The following L2HGDH variants were observed in gnomAD, a reference collection of about 807,000 sequenced individuals.
L2HGDH encodes L-2-hydroxyglutarate dehydrogenase, mitochondrial.
In L2HGDH, 34 loss-of-function variants were observed where a neutral mutation model predicts 51.5. The ratio of observed to expected loss-of-function variants is 0.66; its 90% CI spans 0.50 to 0.88. L2HGDH has a LOEUF of 0.88. L2HGDH is among the 40% of genes least tolerant of loss of function. L2HGDH has a pLI of 0.00. For synonymous variants in L2HGDH, 198 were observed against 197.9 expected, an observed-to-expected ratio of 1.00 and a Z score of -0.01; for missense variants, 558 against 571.9, an observed-to-expected ratio of 0.98 and a Z score of 0.25.
intron 4 of L2HGDH, among the ~76,000 whole-genome samples, 154 bp from the exon 5 acceptor site, chr14:50,284,187 A>G (rs1453392974): frequency 6.6e-6 from 1 of 152,228 alleles, no homozygotes; most frequent in African/African-American, 2.4e-5. Flanking sequence ...TCCATTTATT[A>G]TCCCTCACCA....
intron 9 of L2HGDH, among the ~76,000 whole-genome samples, chr14:50,253,064 A>T (rs917479668): frequency 3.3e-5 from 5 of 152,170 alleles, no homozygotes; most frequent in African/African-American, 1.2e-4. Flanking sequence ...CATTCAAAAA[A>T]TTTGGAATAA....
At chr14:50,291,915 A>G (rs1890905439) in intron 4 of L2HGDH, among the ~76,000 whole-genome samples, 1 of 152,208 alleles carries the variant, frequency 6.6e-6, no homozygotes, top group South Asian at 2.1e-4. Context: ...AAAAAGTCCA[A>G]AAGAATTTCT....
In L2HGDH at chr14:50,248,268, CTA is replaced by C. The variant is rs528474129; in HGVS notation, c.1197-1017_1197-1016del. 3.9e-5 allele frequency among the ~76,000 whole-genome samples: 6 copies of C among 152,256 alleles called. No individual in the cohort carries two copies. In the South Asian group the frequency reaches 1.0e-3, roughly 26 times the overall value. ...CCAAGGAAGCCCAGTGTGAAAAATT[CTA>C]TCTTATACACACCAGCAAGGCTCAA... On this transcript the variant is annotated intron_variant, in intron 9 of 9. Coordinates refer to ENST00000267436, the MANE Select transcript of L2HGDH (RefSeq NM_024884.3).
chr14:50,305,675 G>A (rs1374722425), intron 1 of L2HGDH, among the ~76,000 whole-genome samples: 1 of 152,112 alleles, frequency 6.6e-6, no homozygotes, highest in Non-Finnish European at 1.5e-5. Context: ...TAAGGTAGGT[G>A]TTCAAAACAC....
chr14:50,254,138 G>A (rs975845168), intron 9 of L2HGDH, among the ~76,000 whole-genome samples: 4 of 151,840 alleles, frequency 2.6e-5, no homozygotes, highest in South Asian at 2.1e-4. Flanking sequence ...AGCACGACAG[G>A]GAGACCATAG....
chr14:50,305,567 T>A (rs1026185534), intron 1 of L2HGDH, among the ~76,000 whole-genome samples: 2 of 152,250 alleles, frequency 1.3e-5, no homozygotes, highest in Admixed American at 1.3e-4. Context: ...AATAAACAGA[T>A]GTTTTATGGA....
intron 6 of L2HGDH, among the ~76,000 whole-genome samples, chr14:50,273,473 A>C (rs2883802): frequency 0.51 from 77,972 of 151,930 alleles, 20,448 homozygotes; most frequent in East Asian, 0.65. Flanking sequence ...TTAAATATTT[A>C]GATTAAAAGA....
In L2HGDH at chr14:50,278,574, G is replaced by C; in HGVS notation, c.704-20C>G. ...GCATTCCTGAAAAAAAAGAATAAGT[G>C]AAAAATTTATTTTTAGCAAAAGGCC... On this transcript the variant is annotated intron_variant, in intron 5 of 9. Coordinates refer to ENST00000267436, the MANE Select transcript of L2HGDH (RefSeq NM_024884.3). 2 of 1,298,910 alleles carry C rather than the reference G, an allele frequency of 1.5e-6. No homozygotes were observed. The highest frequency in any genetic ancestry group is 2.2e-6 in the Non-Finnish European group (2 of 909,722). The allele number at this position is 1,298,910 out of a possible 1,614,324, so 80.5% of individuals were successfully genotyped here.
chr14:50,269,140 A>C (rs1435522458), intron 7 of L2HGDH, 23 bp downstream of exon 7: 5 of 1,603,616 alleles, frequency 3.1e-6, no homozygotes, highest in Non-Finnish European at 4.3e-6. Flanking sequence ...AAAAAATGAG[A>C]AGTAGGAAGC....
chr14:50,269,816 C>T (rs1370325444), intron 6 of L2HGDH, among the ~76,000 whole-genome samples: 1 of 151,936 alleles, frequency 6.6e-6, no homozygotes, highest in Non-Finnish European at 1.5e-5. Flanking sequence ...ACCCAATCAG[C>T]AGAATATCAA....
chr14:50,256,294 C>T (rs1325838017), intron 9 of L2HGDH, among the ~76,000 whole-genome samples: 1 of 151,964 alleles, frequency 6.6e-6, no homozygotes, highest in Non-Finnish European at 1.5e-5. Flanking sequence ...GCAGGAGAAT[C>T]ACTTGAGCCC....
At chr14:50,309,966 A>C (rs147866307) in intron 1 of L2HGDH, among the ~76,000 whole-genome samples, 2,200 of 152,028 alleles carry the variant, frequency 0.014, 20 homozygotes, top group Non-Finnish European at 0.021. Context: ...AAGTGCTGAG[A>C]TTATAGGCAT....
chr14:50,247,951 C>T (rs755637205), intron 9 of L2HGDH, among the ~76,000 whole-genome samples: 9 of 151,666 alleles, frequency 5.9e-5, no homozygotes, highest in Middle Eastern at 3.2e-3. Flanking sequence ...TACACAACCT[C>T]GCCTGGCTAA....
At chr14:50,301,191 T>C (rs562751078) in intron 3 of L2HGDH, among the ~76,000 whole-genome samples, 3 of 152,242 alleles carry the variant, frequency 2.0e-5, no homozygotes, top group African/African-American at 4.8e-5. Context: ...GGCAAGGACA[T>C]GGAAAATTGG....
chr14:50,276,612 GAC>G (rs1166090415), intron 6 of L2HGDH, among the ~76,000 whole-genome samples: 1 of 152,106 alleles, frequency 6.6e-6, no homozygotes, highest in Non-Finnish European at 1.5e-5. Flanking sequence ...AAAAGGAAGA[GAC>G]ACCCAAGATC....
chr14:50,245,790 T>C lies in L2HGDH; in HGVS notation c.*1268A>G, dbSNP rs1476153237. The C allele has an allele frequency of 1.0e-6, 1 of 985,238 alleles. No individual in the cohort carries two copies. The highest frequency in any genetic ancestry group is 1.1e-4 in the East Asian group (1 of 8,826). The allele number at this position is 985,238 out of a possible 1,614,324, so 61.0% of individuals were successfully genotyped here. On this transcript the variant is annotated 3_prime_UTR_variant, in exon 10 of 10. Coordinates refer to ENST00000267436, the MANE Select transcript of L2HGDH (RefSeq NM_024884.3). ...AAAACTCTTAAAAAGCCAAATCTTC[T>C]CTAGGTCATGGTTGGTAAGGACAGG... is the stretch of plus-strand genomic sequence containing the variant.
chr14:50,303,011 A>C lies in L2HGDH; in HGVS notation c.147T>G (p.Phe49Leu), dbSNP rs963589121. Residue 49 changes from phenylalanine to leucine, a missense_variant, in exon 2 of 10, where the codon TTT becomes TTG. Physicochemically the swap from Phe to Leu is conservative, Grantham distance 22. Around this residue, in one of 3 missense-constraint regions of L2HGDH, gnomAD observed 194 missense variants for 187.2 expected, o/e 1.04. Transcript: ENST00000267436. ...GGSRSASTSS[F>L]DIVIVGGGIV... ...TTCCGCCACCAACGATGACTATATC[A>C]AATGAGCTTCAAAAGAAAGTCATCT... is the stretch of plus-strand genomic sequence containing the variant. 6 of 1,600,052 alleles carry C rather than the reference A, an allele frequency of 3.7e-6. No homozygotes were observed. The African/African-American group carries it at 8.0e-5, about 21-fold the overall frequency.
At chr14:50,252,999 C>T (rs371984406) in intron 9 of L2HGDH, among the ~76,000 whole-genome samples, 2 of 152,078 alleles carry the variant, frequency 1.3e-5, no homozygotes, top group East Asian at 3.8e-4. Context: ...CTCCTCAGCA[C>T]ATGGATCATT....
intron 3 of L2HGDH, among the ~76,000 whole-genome samples, chr14:50,300,850 G>C (rs2030366706): frequency 1.3e-5 from 2 of 151,464 alleles, no homozygotes; most frequent in South Asian, 4.2e-4. Flanking sequence ...TTTGAGGCAA[G>C]GTCTCACTCT....
Sources: gnomAD v4.1 joint callset for allele counts (sites outside exome capture counted in the v4.1 genomes callset) on GRCh38, gnomAD v4.1.1 for gene constraint, gnomAD v4.1.1 regional missense constraint, MANE v1.5 for transcripts, NCBI Gene and HGNC (gene_info 2026-07-23, HGNC 2026-07-21) for gene names.